Variants in DNAL1 observed in about 807,000 individuals in gnomAD.
DNAL1 encodes the protein chromosome 14 open reading frame 168.
In DNAL1, 17 loss-of-function variants were observed where a neutral mutation model predicts 29.4. The observed-to-expected ratio is 0.58, with a 90% CI of 0.40 to 0.87. The LOEUF is 0.87. Among genes scored for constraint, DNAL1 ranks in the 40% least tolerant of loss-of-function variants. The probability of loss-of-function intolerance (pLI) is 0.00; values close to 1 mark genes in which losing one functional copy is unlikely to be tolerated. For missense variants in DNAL1, 188 were observed against 214.1 expected, an observed-to-expected ratio of 0.88 and a Z score of 0.76; for synonymous variants, 78 against 76.3, an observed-to-expected ratio of 1.02 and a Z score of -0.12.
intron 5 of DNAL1, among the ~76,000 whole-genome samples, chr14:73,683,491 T>C (rs62004932): frequency 0.23 from 34,663 of 151,910 alleles, 5,053 homozygotes; most frequent in Non-Finnish European, 0.33. Flanking sequence ...ATGTTATGCA[T>C]TGCATGACTG....
At chr14:73,667,417 C>T (rs1170998881) in intron 4 of DNAL1, among the ~76,000 whole-genome samples, 1 of 152,092 alleles carries the variant, frequency 6.6e-6, no homozygotes, top group Admixed American at 6.6e-5. Context: ...GCATGAGCCA[C>T]AGTGACTGGC....
At chr14:73,649,383 C>T (rs975804472) in intron 1 of DNAL1, among the ~76,000 whole-genome samples, 6 of 151,036 alleles carry the variant, frequency 4.0e-5, no homozygotes, top group African/African-American at 1.5e-4. Context: ...CCCGGGTTCA[C>T]GCCATTCTCC....
chr14:73,669,692 A>T lies in DNAL1; in HGVS notation c.209-1850A>T, dbSNP rs377528458. ...TGATACTCCCACTTCACCTTCTCAA[A>T]GTGCTGGGATAATTGGCATAAGCTA... On this transcript the variant is annotated intron_variant, in intron 4 of 7. Transcript: ENST00000553645. 7.9e-5 allele frequency among the ~76,000 whole-genome samples: 12 copies of T among 152,200 alleles called. No individual in the cohort carries two copies. In the South Asian group the frequency reaches 1.7e-3, roughly 21 times the overall value.
intron 4 of DNAL1, among the ~76,000 whole-genome samples, chr14:73,665,789 C>T (rs1197805707): frequency 9.9e-6 from 1 of 100,928 alleles, no homozygotes; most frequent in African/African-American, 3.7e-5. Flanking sequence ...AGACTCATCT[C>T]AAAAAAAAAA....
At chr14:73,646,185 A>G (rs769441975) in intron 1 of DNAL1, among the ~76,000 whole-genome samples, 3 of 152,232 alleles carry the variant, frequency 2.0e-5, no homozygotes, top group Non-Finnish European at 2.9e-5. Context: ...AAAGGCTCAG[A>G]CCTAAATATT....
intron 1 of DNAL1, among the ~76,000 whole-genome samples, chr14:73,647,377 A>AG (rs1443156452): frequency 9.3e-6 from 1 of 107,728 alleles, no homozygotes; most frequent in Non-Finnish European, 1.9e-5. Flanking sequence ...AAAAAAAAAA[A>AG]AAAAGAAAAA....
At chr14:73,681,633 A>AAATAT (rs1555402645) in intron 5 of DNAL1, among the ~76,000 whole-genome samples, 1 of 35,424 alleles carries the variant, frequency 2.8e-5, no homozygotes, top group African/African-American at 2.2e-4. Context: ...AAAAAAAAAA[A>AAATAT]ATATATATAT....
intron 7 of DNAL1, among the ~76,000 whole-genome samples, chr14:73,694,582 G>A (rs1892257603): frequency 6.6e-6 from 1 of 152,098 alleles, no homozygotes; most frequent in African/African-American, 2.4e-5. Flanking sequence ...CAGCAATTGG[G>A]GGAGGTCATA....
At chr14:73,662,700 C>T (rs1386666845) in intron 4 of DNAL1, among the ~76,000 whole-genome samples, 1 of 151,962 alleles carries the variant, frequency 6.6e-6, no homozygotes, top group Non-Finnish European at 1.5e-5. Context: ...TGTCAAATCT[C>T]TGTCTGCCTC....
At chr14:73,667,530 G>A (rs1277434532) in intron 4 of DNAL1, among the ~76,000 whole-genome samples, 1 of 152,044 alleles carries the variant, frequency 6.6e-6, no homozygotes, top group Non-Finnish European at 1.5e-5. Context: ...ACAGGATCTT[G>A]CTCTGTCACC....
At chr14:73,664,526 C>G (rs1891430715) in intron 4 of DNAL1, among the ~76,000 whole-genome samples, 1 of 152,104 alleles carries the variant, frequency 6.6e-6, no homozygotes, top group Non-Finnish European at 1.5e-5. Flanking sequence ...CAATAATTTT[C>G]ACTGAGAACA....
intron 3 of DNAL1, among the ~76,000 whole-genome samples, chr14:73,661,304 G>C (rs955117203): frequency 7.2e-5 from 11 of 152,032 alleles, no homozygotes; most frequent in African/African-American, 1.7e-4. Flanking sequence ...AAGTTAACAG[G>C]TGTTTATAGA....
At chr14:73,655,859 A>G (rs549702094) in intron 2 of DNAL1, among the ~76,000 whole-genome samples, 10 of 152,322 alleles carry the variant, frequency 6.6e-5, no homozygotes, top group African/African-American at 9.6e-5. Flanking sequence ...AGGAAACTAC[A>G]TTGTAAAAGA....
Position 73,691,856 on chromosome 14 carries a change from C to CCG in DNAL1, c.532+2342_532+2343insGC, listed in dbSNP as rs1555403336. 8.1e-5 allele frequency among the ~76,000 whole-genome samples: 12 copies of CCG among 147,574 alleles called. 1 individual carries two copies. The highest frequency in any genetic ancestry group is 2.8e-4 in the African/African-American group (11 of 39,668). On this transcript the variant is annotated intron_variant, in intron 7 of 7. Transcript: ENST00000553645. ...CTACAGGCGTGCGCCACCCCCCCCCCCCAGCTAATTTTTGTATTTTTAGTA... is the reference window on the plus strand; with the variant it reads ...CTACAGGCGTGCGCCACCCCCCCCCCCGCCAGCTAATTTTTGTATTTTTAGTA...
In DNAL1 at chr14:73,696,145, T is replaced by G. The variant is rs1316201548; in HGVS notation, c.*203T>G. ...GGTAATGCCAACCTTATATATCCTA[T>G]TTCTCTTTTTAGAAACCACAAATTT... On this transcript the variant is annotated 3_prime_UTR_variant, in exon 8 of 8. Transcript: ENST00000553645. 2 of 513,406 alleles carry G rather than the reference T, an allele frequency of 3.9e-6. No individual in the cohort carries two copies. The highest frequency in any genetic ancestry group is 6.6e-6 in the Non-Finnish European group (2 of 301,454). The allele number at this position is 513,406 out of a possible 1,614,324, so 31.8% of individuals were successfully genotyped here. A position where few individuals can be genotyped will look rare whatever the true frequency, so the allele number is the denominator to read the frequency against.
chr14:73,665,622 C>T (rs1050575320), intron 4 of DNAL1, among the ~76,000 whole-genome samples: 5 of 152,004 alleles, frequency 3.3e-5, no homozygotes, highest in Non-Finnish European at 7.4e-5. Context: ...GAAACCCTGT[C>T]TCTACTAAAA....
chr14:73,650,865 A>C (rs776647629), intron 1 of DNAL1, among the ~76,000 whole-genome samples: 1 of 152,018 alleles, frequency 6.6e-6, no homozygotes, highest in African/African-American at 2.4e-5. Flanking sequence ...CTGGCCTTCA[A>C]TTATGGGCTC....
rs188937138 is a variant in DNAL1, at chr14:73,679,052, A to C, written c.264+7455A>C. 3.0e-3 allele frequency among the ~76,000 whole-genome samples: 461 copies of C among 152,266 alleles called. 1 individual carries two copies. The highest frequency in any genetic ancestry group is 0.011 in the African/African-American group (446 of 41,556). On this transcript the variant is annotated intron_variant, in intron 5 of 7. Transcript: ENST00000553645. ...CGCTGCATCCCCCAGGCTGGAGTGC[A>C]GTGATTGGATCTCGGCTCACTGCAA... is the stretch of plus-strand genomic sequence containing the variant.
Position 73,666,633 on chromosome 14 carries a change from A to G in DNAL1, c.208+4591A>G, listed in dbSNP as rs1237118917. Among the ~76,000 whole-genome samples, 4 of 152,206 alleles carry G rather than the reference A, an allele frequency of 2.6e-5. No homozygotes were observed. The East Asian group carries it at 5.8e-4, about 22-fold the overall frequency. ...GATATCATAATTTATTTCCTTATACAGTAATAAATATGGTCTTTTTAGCCA... is the reference window on the plus strand; with the variant it reads ...GATATCATAATTTATTTCCTTATACGGTAATAAATATGGTCTTTTTAGCCA... On this transcript the variant is annotated intron_variant, in intron 4 of 7. Transcript: ENST00000553645.
Sources: allele counts gnomAD v4.1 joint callset (sites outside exome capture counted in the v4.1 genomes callset), GRCh38; gene constraint gnomAD v4.1.1; transcripts MANE v1.5; gene names NCBI Gene and HGNC (gene_info 2026-07-23, HGNC 2026-07-21).